ADGRG7: variants seen among roughly 807,000 people sequenced by gnomAD.
ADGRG7 encodes the protein G-protein coupled receptor 128.
In ADGRG7, 82 loss-of-function variants were observed where a neutral mutation model predicts 88.6. That is an observed-to-expected ratio of 0.93 (90% confidence interval 0.77 to 1.11). ADGRG7 has a LOEUF of 1.11. Ranked by LOEUF, ADGRG7 falls within the 50% of genes most tolerant of loss-of-function variation. The pLI, the probability that ADGRG7 is intolerant of heterozygous loss-of-function variation, is 0.00. For missense variants in ADGRG7, 945 were observed against 953.4 expected (o/e 0.99, Z 0.12); for synonymous variants, 381 against 345.2 (o/e 1.10, Z -1.15).
chr3:100,636,907 T>G (rs980988477), intron 5 of ADGRG7, among the ~76,000 whole-genome samples: 3 of 152,240 alleles, frequency 2.0e-5, no homozygotes, highest in Non-Finnish European at 4.4e-5. Context: ...GTATACTAAG[T>G]ATAACTTAGT....
intron 10 of ADGRG7, among the ~76,000 whole-genome samples, chr3:100,649,184 A>C (rs1040166966): frequency 5.3e-5 from 8 of 152,226 alleles, no homozygotes; most frequent in Non-Finnish European, 1.2e-4. Flanking sequence ...TAAATAGTTG[A>C]CTTGTGAACC....
chr3:100,689,500 C>T (rs1022933863), intron 15 of ADGRG7, among the ~76,000 whole-genome samples: 4 of 152,206 alleles, frequency 2.6e-5, no homozygotes, highest in African/African-American at 9.6e-5. Flanking sequence ...CATGTTTTTG[C>T]AGTGGCTGGT....
rs377523769 is a variant in ADGRG7, at chr3:100,685,213, T to G, written c.2137-9531T>G. On this transcript the variant is annotated intron_variant, in intron 15 of 15. Transcript: ENST00000273352. ...GGACTTTTCTAGCTGACAATTTTTC[T>G]TTAGATACTATGACACATAAACTAC... Among the ~76,000 whole-genome samples, 8 of 152,332 alleles carry G rather than the reference T, an allele frequency of 5.3e-5. No individual in the cohort carries two copies. In the East Asian group the frequency reaches 7.7e-4, roughly 15 times the overall value.
intron 1 of ADGRG7, among the ~76,000 whole-genome samples, chr3:100,629,324 A>G (rs925251504): frequency 6.6e-6 from 1 of 150,934 alleles, no homozygotes; most frequent in East Asian, 1.9e-4. Flanking sequence ...TACCATCTAT[A>G]TAATTTCTGA....
At chr3:100,614,386 A>G (rs140278126) in intron 1 of ADGRG7, among the ~76,000 whole-genome samples, 100 of 152,364 alleles carry the variant, frequency 6.6e-4, no homozygotes, top group African/African-American at 1.7e-3. Flanking sequence ...CATGCATACC[A>G]AAGTATAATA....
At position 100,646,584 on chromosome 3, in the gene ADGRG7, T is replaced by C. The variant is rs1260144256; in HGVS notation, c.1126T>C (p.Phe376Leu). Residue 376 changes from phenylalanine (F) to leucine (L), a missense_variant, in exon 10 of 16, where the codon TTT becomes CTT. Phe to Leu is a conservative substitution (Grantham distance 22). Coordinates refer to ENST00000273352, the MANE Select transcript of ADGRG7 (RefSeq NM_032787.3). ...CAATTCATAGTACAACCAAAAAGAA[T>C]TTCAACTCTATTCCTATGCCTGTGT... Reference protein sequence around the residue: ...VFSPKYNQKEFQLYSYACVYW... With the variant: ...VFSPKYNQKELQLYSYACVYW... 3 of 1,613,170 alleles carry C rather than the reference T, an allele frequency of 1.9e-6. No homozygotes were observed. The highest frequency in any genetic ancestry group is 2.5e-6 in the Non-Finnish European group (3 of 1,179,530).
intron 15 of ADGRG7, among the ~76,000 whole-genome samples, chr3:100,675,797 C>CT (rs1179243383): frequency 1.3e-5 from 2 of 152,052 alleles, no homozygotes; most frequent in Non-Finnish European, 2.9e-5. Context: ...TGTTACTGGT[C>CT]TGTTCAGGTT....
chr3:100,688,162 C>T (rs1159166220), intron 15 of ADGRG7, among the ~76,000 whole-genome samples: 1 of 152,174 alleles, frequency 6.6e-6, no homozygotes, highest in African/African-American at 2.4e-5. Context: ...AGTTTATTTG[C>T]ATAGAGGTGT....
intron 13 of ADGRG7, among the ~76,000 whole-genome samples, chr3:100,658,429 A>G (rs1267590825): frequency 2.6e-5 from 4 of 152,216 alleles, no homozygotes; most frequent in Non-Finnish European, 4.4e-5. Context: ...TTAAAACTCA[A>G]GACAGATCAC....
chr3:100,620,992 G>A (rs186760569), intron 1 of ADGRG7, among the ~76,000 whole-genome samples: 1 of 151,930 alleles, frequency 6.6e-6, no homozygotes, highest in Admixed American at 6.6e-5. Flanking sequence ...TATTATTTCT[G>A]TTATGGTGGT....
intron 13 of ADGRG7, among the ~76,000 whole-genome samples, chr3:100,658,019 C>CA (rs1414527872): frequency 2.6e-5 from 4 of 152,140 alleles, no homozygotes; most frequent in African/African-American, 7.2e-5. Flanking sequence ...TAGCTTCTCA[C>CA]ATCATTGTAA....
chr3:100,619,177 T>C (rs1486515299), intron 1 of ADGRG7, among the ~76,000 whole-genome samples: 1 of 152,042 alleles, frequency 6.6e-6, no homozygotes, highest in Non-Finnish European at 1.5e-5. Context: ...CCTCAGCAAA[T>C]GTAAAAGAAC....
At chr3:100,673,699 C>T (rs2094961498) in intron 15 of ADGRG7, among the ~76,000 whole-genome samples, 1 of 152,120 alleles carries the variant, frequency 6.6e-6, no homozygotes, top group Non-Finnish European at 1.5e-5. Context: ...CCTCATGGTC[C>T]ACCCGCCTTG....
intron 15 of ADGRG7, among the ~76,000 whole-genome samples, chr3:100,686,985 CATG>C (rs1225694532): frequency 6.6e-6 from 1 of 152,174 alleles, no homozygotes; most frequent in Non-Finnish European, 1.5e-5. Context: ...TGGCCATTTT[CATG>C]ATATTGATTC....
Position 100,695,267 on chromosome 3 carries a change from GT to G in ADGRG7, c.*267del. 1 of 349,886 alleles carries G rather than the reference GT, an allele frequency of 2.9e-6. No individual in the cohort carries two copies. The highest frequency in any genetic ancestry group is 5.1e-6 in the Non-Finnish European group (1 of 194,420). The allele number at this position is 349,886 out of a possible 1,614,324, so 21.7% of individuals were successfully genotyped here. Reference sequence around the variant, plus strand: ...TTGTTCCTTATATCGTTAAATCTTTGTGACACACTTTGACAAAAATGTAGAA... The same window carrying G: ...TTGTTCCTTATATCGTTAAATCTTTGGACACACTTTGACAAAAATGTAGAA... On this transcript the variant is annotated 3_prime_UTR_variant, in exon 16 of 16. Transcript: ENST00000273352.
chr3:100,633,147 A>C, intron 3 of ADGRG7, 118 bp from the exon 4 acceptor site: 1 of 458,948 alleles, frequency 2.2e-6, no homozygotes. Context: ...CCTAAAAATA[A>C]TAGGCAATAA....
At chr3:100,672,461 G>A (rs150629254) in intron 15 of ADGRG7, among the ~76,000 whole-genome samples, 1,540 of 152,324 alleles carry the variant, frequency 0.01, 21 homozygotes, top group African/African-American at 0.024. Flanking sequence ...TTTGGGCTGA[G>A]ACGATGGGGT....
intron 15 of ADGRG7, among the ~76,000 whole-genome samples, chr3:100,682,987 C>T (rs1288991050): frequency 2.0e-5 from 3 of 152,134 alleles, no homozygotes; most frequent in Admixed American, 6.5e-5. Context: ...CGTGGTGAAG[C>T]CCCACCTTAA....
chr3:100,671,338 C>T (rs561122638), intron 15 of ADGRG7, among the ~76,000 whole-genome samples: 8 of 152,268 alleles, frequency 5.3e-5, no homozygotes, highest in African/African-American at 1.9e-4. Flanking sequence ...TTGTTGGGTT[C>T]ATAAATGTCT....
Sources: allele counts gnomAD v4.1 joint callset (sites outside exome capture counted in the v4.1 genomes callset), GRCh38; gene constraint gnomAD v4.1.1; transcripts MANE v1.5; gene names NCBI Gene and HGNC (gene_info 2026-07-23, HGNC 2026-07-21).